Variants in SYCP2L observed in about 807,000 individuals in gnomAD.
SYCP2L encodes the protein synaptonemal complex protein 2-like.
SYCP2L carries 98 observed loss-of-function variants against 125.8 expected under a neutral mutation model. The ratio of observed to expected loss-of-function variants is 0.78; its 90% CI spans 0.66 to 0.92. The LOEUF is 0.92. Ranked by LOEUF, SYCP2L falls within the 40% of genes least tolerant of loss-of-function variation. The pLI, the probability that SYCP2L is intolerant of heterozygous loss-of-function variation, is 0.00. For missense variants in SYCP2L, 842 were observed against 936.4 expected, an observed-to-expected ratio of 0.90 and a Z score of 1.32; for synonymous variants, 317 against 325.4, an observed-to-expected ratio of 0.97 and a Z score of 0.28.
rs1312684233 is a variant in SYCP2L at position 10,912,435 on chromosome 6, T to C, written c.919-238T>C. Among the ~76,000 whole-genome samples, 1 of 152,132 alleles carries C rather than the reference T, an allele frequency of 6.6e-6. No homozygotes were observed. Among genetic ancestry groups the C allele is most frequent in the East Asian group, 1.9e-4 (1 of 5,190 alleles). On this transcript the variant is annotated intron_variant, in intron 12 of 29. Transcript: ENST00000283141. The surrounding 1 kb of genome is among the most constrained non-coding windows in gnomAD (Gnocchi z 4.1). ...TAGAATAATGTGACACATTTAAATA[T>C]CTATCAAATATGCTAAGGATAGTGG...
intron 14 of SYCP2L, among the ~76,000 whole-genome samples, chr6:10,923,678 TTTTTC>T (rs1780842436): frequency 1.7e-4 from 4 of 24,022 alleles, no homozygotes; most frequent in East Asian, 2.2e-3. Flanking sequence ...TTTCTTTTTC[TTTTTC>T]TTTTTTTTTT....
intron 1 of SYCP2L, among the ~76,000 whole-genome samples, chr6:10,889,629 T>C (rs979875186): frequency 1.3e-5 from 2 of 149,572 alleles, no homozygotes; most frequent in Non-Finnish European, 3.0e-5. Flanking sequence ...TTTTTTTTTT[T>C]TTTTTTTTGA....
intron 24 of SYCP2L, 76 bp downstream of exon 24, chr6:10,955,293 T>C (rs991297999): frequency 2.2e-6 from 2 of 895,920 alleles, no homozygotes; most frequent in African/African-American, 3.3e-5. Context: ...ACAACATGAA[T>C]CACAAGGGAG....
intron 14 of SYCP2L, among the ~76,000 whole-genome samples, chr6:10,916,019 G>T (rs1021644192): frequency 1.3e-5 from 2 of 151,976 alleles, no homozygotes; most frequent in Non-Finnish European, 2.9e-5. Flanking sequence ...GTCTATTCAG[G>T]GTATCTGATT....
At chr6:10,929,224 C>T (rs549483689) in intron 18 of SYCP2L, among the ~76,000 whole-genome samples, 7 of 152,246 alleles carry the variant, frequency 4.6e-5, no homozygotes, top group South Asian at 2.1e-4. Flanking sequence ...TCATTCAACT[C>T]GGCTTTTCCT....
chr6:10,913,629 GA>G (rs1418389601), intron 14 of SYCP2L, among the ~76,000 whole-genome samples: 1 of 152,046 alleles, frequency 6.6e-6, no homozygotes, highest in Non-Finnish European at 1.5e-5. Flanking sequence ...TCCTTTGTCA[GA>G]TGTATAGATT....
chr6:10,888,625 G>A (rs1780122898), intron 1 of SYCP2L, among the ~76,000 whole-genome samples: 1 of 152,068 alleles, frequency 6.6e-6, no homozygotes, highest in African/African-American at 2.4e-5. Flanking sequence ...GGCCAGAGAA[G>A]GTTGAAAGGA....
rs1292315196 is a variant in SYCP2L at position 10,894,168 on chromosome 6, T to C, written c.300T>C (p.Asp100=). ...TCCTCGTAGATGGCCTGAAAGAAGA[T>C]GAACCTCTGCTAATTCGGCAGGGAC... ...QRFLVDGLKE[D]EPLLIRQGLI... is the part of the protein sequence containing the mutation. The change falls in exon 4 of 30, where the codon GAT becomes GAC. Residue 100 remains aspartate, a synonymous_variant. Coordinates refer to ENST00000283141, the MANE Select transcript of SYCP2L (RefSeq NM_001040274.3). 6.2e-7 allele frequency: 1 copy of C among 1,613,608 alleles called. No individual in the cohort carries two copies. The highest frequency in any genetic ancestry group is 1.3e-5 in the African/African-American group (1 of 74,916).
chr6:10,962,735 T>C (rs917286890), intron 28 of SYCP2L, among the ~76,000 whole-genome samples: 3 of 152,204 alleles, frequency 2.0e-5, no homozygotes, highest in African/African-American at 7.2e-5. Context: ...GTGGGAAGAA[T>C]AGCATTGCTT....
At chr6:10,905,142 CAAAAAAAAAA>C (rs34659978) in intron 8 of SYCP2L, among the ~76,000 whole-genome samples, 1 of 54,650 alleles carries the variant, frequency 1.8e-5, no homozygotes, top group African/African-American at 7.2e-5. Context: ...GACTTGGTCT[CAAAAAAAAAA>C]AAAAAAAAAA....
intron 14 of SYCP2L, among the ~76,000 whole-genome samples, chr6:10,915,407 G>A (rs1286477939): frequency 6.6e-6 from 1 of 152,166 alleles, no homozygotes; most frequent in African/African-American, 2.4e-5. Flanking sequence ...CCAGTTCTCA[G>A]ATGGAATGCT....
chr6:10,911,894 C>CTTTATTT (rs377600077), intron 12 of SYCP2L, among the ~76,000 whole-genome samples: 1 of 50,028 alleles, frequency 2.0e-5, no homozygotes, highest in Non-Finnish European at 3.7e-5. Flanking sequence ...GGAATAAAAG[C>CTTTATTT]TTTTTTTTTT....
chr6:10,945,762 TC>T (rs1227242563), intron 23 of SYCP2L, among the ~76,000 whole-genome samples: 1 of 87,554 alleles, frequency 1.1e-5, no homozygotes, highest in Non-Finnish European at 2.0e-5. Context: ...AGAGTGAGAC[TC>T]CATCTTAAAA....
At chr6:10,952,536 T>A (rs938026887) in intron 23 of SYCP2L, among the ~76,000 whole-genome samples, 6 of 150,544 alleles carry the variant, frequency 4.0e-5, no homozygotes, top group African/African-American at 1.5e-4. Context: ...GGTGGAACAT[T>A]GAAATTCAAG....
At chr6:10,941,103 A>T (rs1263299853) in intron 21 of SYCP2L, among the ~76,000 whole-genome samples, 1 of 152,226 alleles carries the variant, frequency 6.6e-6, no homozygotes, top group Non-Finnish European at 1.5e-5. Flanking sequence ...AGCCGTATGT[A>T]GAAAGCTGAA....
chr6:10,920,171 C>CTGGTT (rs1304084645), intron 14 of SYCP2L, among the ~76,000 whole-genome samples: 2 of 152,068 alleles, frequency 1.3e-5, no homozygotes. Flanking sequence ...CAGGGGGTGC[C>CTGGTT]TGGTTTGGTT....
At chr6:10,898,741 A>G (rs900714399) in intron 5 of SYCP2L, 83 bp from the exon 6 acceptor site, 2 of 944,108 alleles carry the variant, frequency 2.1e-6, no homozygotes, top group Non-Finnish European at 3.4e-6. Flanking sequence ...TGTTAGAGAA[A>G]GTTAACACTA....
intron 8 of SYCP2L, among the ~76,000 whole-genome samples, chr6:10,903,253 C>T (rs991458332): frequency 2.6e-5 from 4 of 151,080 alleles, no homozygotes; most frequent in Non-Finnish European, 1.5e-5. Context: ...GCTAATATGG[C>T]AAAACCCCAT....
At position 10,955,197 on chromosome 6, in the gene SYCP2L, CAGA is replaced by C. The variant is rs1371578079; in HGVS notation, c.2041_2043del (p.Glu681del). On this transcript the variant is annotated inframe_deletion, in exon 24 of 30. Transcript: ENST00000283141. ...GCTCCGGGATCCCCTTTCTCAATAA[CAGA>C]AGAAAGAGAGTTGCCAGGTAACATC... 1.9e-6 allele frequency: 3 copies of C among 1,611,668 alleles called. No homozygotes were observed. Among genetic ancestry groups the C allele is most frequent in the Non-Finnish European group, 2.5e-6 (3 of 1,177,944 alleles).
Sources: allele counts gnomAD v4.1 joint callset (sites outside exome capture counted in the v4.1 genomes callset), GRCh38; gene constraint gnomAD v4.1.1; non-coding constraint Gnocchi (gnomAD v3.1); transcripts MANE v1.5; gene names NCBI Gene and HGNC (gene_info 2026-07-23, HGNC 2026-07-21).